Variants in SLC45A2 observed in about 807,000 individuals in gnomAD.
The protein encoded by SLC45A2 is solute carrier family 45 member 2.
In SLC45A2, 36 loss-of-function variants were observed where a neutral mutation model predicts 45.5. The ratio of observed to expected loss-of-function variants is 0.79; its 90% CI spans 0.61 to 1.04. The LOEUF is 1.04. Ranked by LOEUF, SLC45A2 falls within the 50% of genes least tolerant of loss-of-function variation. SLC45A2 has a pLI of 0.00. For missense variants in SLC45A2, 719 were observed against 671.0 expected, an observed-to-expected ratio of 1.07 and a Z score of -0.79; for synonymous variants, 306 against 269.3, an observed-to-expected ratio of 1.14 and a Z score of -1.33.
rs950398020 is a variant in SLC45A2, at chr5:33,982,133, C to T, written c.562+103G>A. 25 of 1,320,822 alleles carry T rather than the reference C, an allele frequency of 1.9e-5. No homozygotes were observed. The African/African-American group carries it at 2.7e-4, about 15-fold the overall frequency. The allele number at this position is 1,320,822 out of a possible 1,614,324, so 81.8% of individuals were successfully genotyped here. A position where few individuals can be genotyped will look rare whatever the true frequency, so the allele number is the denominator to read the frequency against. ...GACGGGAGCAGCCCATCAGCTGACC[C>T]GTTCATTCAAAAAACTCCACGTGTA... is the stretch of plus-strand genomic sequence containing the variant. On this transcript the variant is annotated intron_variant, in intron 2 of 6. Coordinates refer to ENST00000296589, the MANE Select transcript of SLC45A2 (RefSeq NM_016180.5).
intron 2 of SLC45A2, among the ~76,000 whole-genome samples, chr5:33,968,152 C>T (rs376631146): frequency 1.3e-4 from 20 of 152,248 alleles, no homozygotes; most frequent in African/African-American, 4.6e-4. Flanking sequence ...TTTGCTGCCT[C>T]AGATATGATG....
chr5:33,958,346 C>G (rs1445683651), intron 3 of SLC45A2, among the ~76,000 whole-genome samples: 1 of 152,192 alleles, frequency 6.6e-6, no homozygotes, highest in Non-Finnish European at 1.5e-5. Context: ...CAAGCAATGA[C>G]AGCCCTGAAG....
At chr5:33,963,003 A>G (rs977808022) in intron 3 of SLC45A2, among the ~76,000 whole-genome samples, 2 of 152,230 alleles carry the variant, frequency 1.3e-5, no homozygotes, top group South Asian at 2.1e-4. Flanking sequence ...TGCACGTCCT[A>G]TATTTTAGCT....
chr5:33,971,416 C>A (rs1752773079), intron 2 of SLC45A2: 8 of 448,490 alleles, frequency 1.8e-5, no homozygotes, highest in Non-Finnish European at 3.4e-5. Flanking sequence ...CTATTGCTGG[C>A]CAGCTGGACT....
intron 2 of SLC45A2, among the ~76,000 whole-genome samples, chr5:33,981,717 A>C (rs555138791): frequency 1.1e-4 from 17 of 152,324 alleles, no homozygotes; most frequent in Admixed American, 9.8e-4. Context: ...ATAACTAAGA[A>C]ATTTCTAAGA....
chr5:33,948,169 A>T (rs1751994069), intron 5 of SLC45A2, among the ~76,000 whole-genome samples: 1 of 152,250 alleles, frequency 6.6e-6, no homozygotes, highest in Non-Finnish European at 1.5e-5. Flanking sequence ...AAAACATCCA[A>T]TTAAGCAACA....
At chr5:33,945,823 C>A in intron 6 of SLC45A2, 1 of 471,578 alleles carries the variant, frequency 2.1e-6, no homozygotes, top group Non-Finnish European at 2.8e-6. Flanking sequence ...TGCTGAAAAA[C>A]GCATATTATC....
chr5:33,954,241 G>T, intron 4 of SLC45A2, 120 bp downstream of exon 4: 1 of 1,407,760 alleles, frequency 7.1e-7, no homozygotes. Context: ...GCTTCTTGAT[G>T]GTACCCTTTC....
intron 3 of SLC45A2, among the ~76,000 whole-genome samples, chr5:33,956,345 A>ACCAGT (rs1307017990): frequency 6.6e-6 from 1 of 152,206 alleles, no homozygotes; most frequent in Non-Finnish European, 1.5e-5. Flanking sequence ...ACATGGCCTT[A>ACCAGT]CCAGTATGAT....
chr5:33,969,643 T>C (rs1752724824), intron 2 of SLC45A2, among the ~76,000 whole-genome samples: 1 of 152,200 alleles, frequency 6.6e-6, no homozygotes, highest in South Asian at 2.1e-4. Context: ...AAATGTGCTT[T>C]AAGAACCAGG....
Position 33,984,442 on chromosome 5 carries a change from A to G in SLC45A2, c.142T>C (p.Cys48Arg), listed in dbSNP as rs139367018. 1.9e-6 allele frequency: 3 copies of G among 1,613,772 alleles called. No individual in the cohort carries two copies. The African/African-American group carries it at 4.0e-5, about 22-fold the overall frequency. Residue 48 changes from cysteine (C) to arginine (R), a missense_variant, in exon 1 of 7, where the codon TGC becomes CGC. Coordinates refer to ENST00000296589, the MANE Select transcript of SLC45A2 (RefSeq NM_016180.5). ...ACATACGCTGCCTCCACCGCGTAGCAGAACTCTCTTCCGAACATGGCCATG... is the reference window on the plus strand; with the variant it reads ...ACATACGCTGCCTCCACCGCGTAGCGGAACTCTCTTCCGAACATGGCCATG... ...HSMAMFGREF[C>R]YAVEAAYVTP...
chr5:33,983,101 C>A (rs1037547463), intron 1 of SLC45A2, among the ~76,000 whole-genome samples: 1 of 152,218 alleles, frequency 6.6e-6, no homozygotes, highest in African/African-American at 2.4e-5. Flanking sequence ...GCATCTCTAA[C>A]GGTCTCTGCT....
Position 33,947,325 on chromosome 5 carries a change from GAAGTA to G in SLC45A2, c.1201_1205del (p.Tyr401HisfsTer42). On this transcript the variant is annotated frameshift_variant, in exon 6 of 7. Transcript: ENST00000296589. LOFTEE classifies it high-confidence loss of function. ...CCAGGCCAAACAGCAAATATCCCGTGAAGTAAAGACCCTTTAATCCAATGTAGGAT... is the reference window on the plus strand; with the variant it reads ...CCAGGCCAAACAGCAAATATCCCGTGAAGACCCTTTAATCCAATGTAGGAT... 2 of 1,614,206 alleles carry G rather than the reference GAAGTA, an allele frequency of 1.2e-6. No individual in the cohort carries two copies. The highest frequency in any genetic ancestry group is 3.3e-5 in the Admixed American group (2 of 60,028).
At chr5:33,965,317 G>A (rs10521012) in intron 2 of SLC45A2, among the ~76,000 whole-genome samples, 5,136 of 152,244 alleles carry the variant, frequency 0.034, 294 homozygotes, top group African/African-American at 0.12. Context: ...TGAATGTCAA[G>A]TACCATGAAT....
intron 2 of SLC45A2, among the ~76,000 whole-genome samples, chr5:33,965,626 T>C (rs955299329): frequency 3.3e-5 from 5 of 152,194 alleles, no homozygotes; most frequent in African/African-American, 1.2e-4. Context: ...GATGGTGAAG[T>C]GCCCAGGATT....
intron 2 of SLC45A2, among the ~76,000 whole-genome samples, chr5:33,973,247 A>G (rs1354651569): frequency 7.2e-5 from 11 of 152,286 alleles, no homozygotes; most frequent in Non-Finnish European, 1.2e-4. Flanking sequence ...AGTTGTGTTG[A>G]TCCCATTTGA....
rs753809926 is a variant in SLC45A2 at position 33,951,575 on chromosome 5, C to A, written c.1135G>T (p.Val379Leu). ...VGCWGLCINS[V>L]FSSLYSYFQK... Reference sequence around the variant, plus strand: ...TTACAAGAATAAAGTGAGGAAAACACGGAGTTGATGCACAAGCCCCAACAT... The same window carrying A: ...TTACAAGAATAAAGTGAGGAAAACAAGGAGTTGATGCACAAGCCCCAACAT... The change falls in exon 5 of 7, where the codon GTG becomes TTG. Residue 379 changes from valine to leucine, a missense_variant. Coordinates refer to ENST00000296589, the MANE Select transcript of SLC45A2 (RefSeq NM_016180.5). 3 of 1,614,132 alleles carry A rather than the reference C, an allele frequency of 1.9e-6. No homozygotes were observed. Among genetic ancestry groups the A allele is most frequent in the Non-Finnish European group, 8.5e-7 (1 of 1,179,994 alleles).
At chr5:33,977,113 G>A (rs1203267656) in intron 2 of SLC45A2, among the ~76,000 whole-genome samples, 1 of 152,226 alleles carries the variant, frequency 6.6e-6, no homozygotes, top group Non-Finnish European at 1.5e-5. Context: ...GAGACAGTGA[G>A]GGTGCAGGTG....
At chr5:33,951,801 A>G in intron 4 of SLC45A2, 124 bp from the exon 5 acceptor site, 1 of 1,178,492 alleles carries the variant, frequency 8.5e-7, no homozygotes, top group Non-Finnish European at 1.3e-6. Context: ...TCTAGAGTAC[A>G]GAGCTGATGC....
Sources: allele counts gnomAD v4.1 joint callset (sites outside exome capture counted in the v4.1 genomes callset), GRCh38; gene constraint gnomAD v4.1.1; transcripts MANE v1.5; gene names NCBI Gene and HGNC (gene_info 2026-07-23, HGNC 2026-07-21).